Variants in ATXN7 observed in about 807,000 individuals in gnomAD.
The protein encoded by ATXN7 is ataxin-7.
In ATXN7, 12 loss-of-function variants were observed where a neutral mutation model predicts 70.5. That is an observed-to-expected ratio of 0.17 (90% CI 0.11 to 0.28). The LOEUF (loss-of-function observed/expected upper bound fraction) is 0.28, where lower values mean the gene tolerates loss of function less well. ATXN7 is among the 10% of genes least tolerant of loss of function. The probability of loss-of-function intolerance (pLI) is 1.00; values close to 1 mark genes in which losing one functional copy is unlikely to be tolerated. For synonymous variants in ATXN7, 498 were observed against 448.7 expected, an observed-to-expected ratio of 1.11 and a Z score of -1.39; for missense variants, 1,256 against 1,131.7, an observed-to-expected ratio of 1.11 and a Z score of -1.58.
chr3:63,902,791 G>T (rs1703692166), intron 2 of ATXN7, among the ~76,000 whole-genome samples: 1 of 152,078 alleles, frequency 6.6e-6, no homozygotes, highest in African/African-American at 2.4e-5. Context: ...TCACCTAACA[G>T]AGTTTTGTGA....
chr3:63,894,939 T>G (rs759372267), intron 1 of ATXN7, among the ~76,000 whole-genome samples: 56 of 152,112 alleles, frequency 3.7e-4, no homozygotes, highest in Non-Finnish European at 6.9e-4. Context: ...TCAGGTTGTT[T>G]TTTTTGTTGT....
At chr3:63,878,331 A>G (rs1702804651) in intron 1 of ATXN7, 3 of 152,204 alleles carry the variant, frequency 2.0e-5, no homozygotes, top group South Asian at 2.1e-4. Context: ...TTTATTCTTG[A>G]CAAGTAACAG....
At chr3:63,939,998 A>G (rs555488168) in intron 4 of ATXN7, among the ~76,000 whole-genome samples, 1 of 152,058 alleles carries the variant, frequency 6.6e-6, no homozygotes, top group Non-Finnish European at 1.5e-5. Context: ...CTTCAATGTC[A>G]CAGTTGCTTG....
At chr3:63,903,878 A>AT (rs1384325785) in intron 2 of ATXN7, 1 of 152,156 alleles carries the variant, frequency 6.6e-6, no homozygotes, top group Non-Finnish European at 1.5e-5. Flanking sequence ...TCAATCTGGA[A>AT]TTTTTTGTGA....
chr3:63,990,780 G>A lies in ATXN7; in HGVS notation c.1603G>A (p.Val535Met), dbSNP rs756967195. The A allele has an allele frequency of 1.9e-6, 3 of 1,614,174 alleles. No individual in the cohort carries two copies. Among genetic ancestry groups the A allele is most frequent in the Non-Finnish European group, 1.7e-6 (2 of 1,180,038 alleles). ...GSRQIGRGYYVFDSRWNRLRC... is the reference protein window; with the variant it reads ...GSRQIGRGYYMFDSRWNRLRC... ...CCGGCAGATAGGAAGAGGCTATTAC[G>A]TGTTTGACTCCAGGTGGAATCGACT... The change falls in exon 11 of 13, where the codon GTG becomes ATG. Residue 535 changes from valine (V) to methionine (M), a missense_variant. By Grantham distance (21) the Val-to-Met change is conservative. Coordinates refer to ENST00000674280, the MANE Select transcript of ATXN7 (RefSeq NM_001377405.1).
Position 63,913,287 on chromosome 3 carries a change from C to T in ATXN7, c.394+62C>T. The T allele has an allele frequency of 2.0e-6, 3 of 1,516,286 alleles. No homozygotes were observed. In the South Asian group the frequency reaches 3.4e-5, roughly 17 times the overall value. The allele number at this position is 1,516,286 out of a possible 1,614,324, so 93.9% of individuals were successfully genotyped here. Reference sequence around the variant, plus strand: ...CCTGGGAAGTTTCATTGACAGTTCACTGGGACCGGGAACATCAGCCCACCA... The same window carrying T: ...CCTGGGAAGTTTCATTGACAGTTCATTGGGACCGGGAACATCAGCCCACCA... On this transcript the variant is annotated intron_variant, in intron 4 of 12. Coordinates refer to ENST00000674280, the MANE Select transcript of ATXN7 (RefSeq NM_001377405.1).
At chr3:63,988,677 G>A (rs1283400793) in intron 9 of ATXN7, among the ~76,000 whole-genome samples, 1 of 152,164 alleles carries the variant, frequency 6.6e-6, no homozygotes, top group Non-Finnish European at 1.5e-5. Flanking sequence ...CCTTTCATTT[G>A]TCTTTATATA....
At chr3:63,907,566 C>G (rs1294910860) in intron 2 of ATXN7, among the ~76,000 whole-genome samples, 1 of 149,982 alleles carries the variant, frequency 6.7e-6, no homozygotes, top group African/African-American at 2.5e-5. Context: ...CTTAAGCAGT[C>G]CTCCCCCTCA....
chr3:63,929,646 A>G (rs1370344999), intron 4 of ATXN7, among the ~76,000 whole-genome samples: 1 of 152,068 alleles, frequency 6.6e-6, no homozygotes, highest in Non-Finnish European at 1.5e-5. Context: ...ATATTAAGTA[A>G]CTAAGTAGAT....
intron 1 of ATXN7, among the ~76,000 whole-genome samples, chr3:63,881,801 A>T (rs750713202): frequency 6.6e-6 from 1 of 152,162 alleles, no homozygotes; most frequent in Non-Finnish European, 1.5e-5. Context: ...TGATTGGAGC[A>T]TTCTACAGGG....
intron 4 of ATXN7, among the ~76,000 whole-genome samples, chr3:63,941,697 A>G (rs1272538236): frequency 6.6e-6 from 1 of 151,580 alleles, no homozygotes; most frequent in Non-Finnish European, 1.5e-5. Flanking sequence ...TACATTTAGT[A>G]GCTTGCTGAT....
At chr3:63,997,456 A>G (rs754448027) in intron 12 of ATXN7, among the ~76,000 whole-genome samples, 1 of 152,154 alleles carries the variant, frequency 6.6e-6, no homozygotes, top group Non-Finnish European at 1.5e-5. Context: ...AGAAGTGGCT[A>G]AGTGGTTGTG....
chr3:63,913,299 A>G, intron 4 of ATXN7, 74 bp downstream of exon 4: 1 of 1,439,904 alleles, frequency 6.9e-7, no homozygotes, highest in African/African-American at 1.4e-5. Context: ...GGGACCGGGA[A>G]CATCAGCCCA....
intron 2 of ATXN7, among the ~76,000 whole-genome samples, chr3:63,909,402 C>CCA (rs749679844): frequency 2.0e-5 from 3 of 152,066 alleles, no homozygotes; most frequent in Non-Finnish European, 4.4e-5. Flanking sequence ...CTTGTCATCT[C>CCA]CACACACACA....
At position 63,975,686 on chromosome 3, in the gene ATXN7, G is replaced by A. The variant is rs145938252; in HGVS notation, c.500-4229G>A. On this transcript the variant is annotated intron_variant, in intron 5 of 12. Transcript: ENST00000674280. ...CTTATAACTTTAAAAAAATCTCAGC[G>A]TGAATTCAGAATTATAAGCTTAGTA... is the stretch of plus-strand genomic sequence containing the variant. Among the ~76,000 whole-genome samples, 1,013 of 152,132 alleles carry A rather than the reference G, an allele frequency of 6.7e-3. 8 individuals are homozygous for A. Among genetic ancestry groups the A allele is most frequent in the African/African-American group, 0.023 (936 of 41,486 alleles).
chr3:63,886,382 T>C (rs1703087052), intron 1 of ATXN7, among the ~76,000 whole-genome samples: 1 of 152,204 alleles, frequency 6.6e-6, no homozygotes, highest in South Asian at 2.1e-4. Flanking sequence ...TGAAAATTGC[T>C]GAGAGTAGAT....
At chr3:63,988,742 C>T (rs933683681) in intron 9 of ATXN7, among the ~76,000 whole-genome samples, 1 of 152,168 alleles carries the variant, frequency 6.6e-6, no homozygotes, top group African/African-American at 2.4e-5. Flanking sequence ...TTACAGCATC[C>T]GTTTATCAAT....
Position 63,939,015 on chromosome 3 carries a change from A to G in ATXN7, c.395-13364A>G, listed in dbSNP as rs548600075. 4.0e-5 allele frequency among the ~76,000 whole-genome samples: 6 copies of G among 150,934 alleles called. No individual in the cohort carries two copies. In the South Asian group the frequency reaches 1.3e-3, roughly 32 times the overall value. ...AAATTTTTTTAATTTTTTTTTTTGC[A>G]TATGGAAGAAATAAAGTTTTAGGAC... is the stretch of plus-strand genomic sequence containing the variant. On this transcript the variant is annotated intron_variant, in intron 4 of 12. Transcript: ENST00000674280.
At position 63,990,722 on chromosome 3, in the gene ATXN7, A is replaced by G. The variant is rs760437285; in HGVS notation, c.1561-16A>G. ...TGTGGGAGTCAGCAAGCACGCGGCT[A>G]TGTTTTCTCTTGCAGTTTTGCACAT... On this transcript the variant is annotated splice_polypyrimidine_tract_variant and intron_variant, in intron 10 of 12. Coordinates refer to ENST00000674280, the MANE Select transcript of ATXN7 (RefSeq NM_001377405.1). The G allele has an allele frequency of 1.8e-5, 29 of 1,614,014 alleles. No individual in the cohort carries two copies. Among genetic ancestry groups the G allele is most frequent in the African/African-American group, 1.7e-4 (13 of 74,912 alleles).
Sources: allele counts gnomAD v4.1 joint callset (sites outside exome capture counted in the v4.1 genomes callset), GRCh38; gene constraint gnomAD v4.1.1; transcripts MANE v1.5; gene names NCBI Gene and HGNC (gene_info 2026-07-23, HGNC 2026-07-21).